The following ZNF438 variants were observed in gnomAD, a reference collection of about 807,000 sequenced individuals.
ZNF438 encodes the protein zinc finger protein 438.
A neutral mutation model predicts 38.0 loss-of-function variants in ZNF438; 25 were observed. That is an observed-to-expected ratio of 0.66 (90% CI 0.48 to 0.92). The LOEUF (loss-of-function observed/expected upper bound fraction) is 0.92, where lower values mean the gene tolerates loss of function less well. ZNF438 is among the 40% of genes least tolerant of loss of function. The pLI, the probability that ZNF438 is intolerant of heterozygous loss-of-function variation, is 0.00. For synonymous variants in ZNF438, 372 were observed against 364.1 expected (o/e 1.02, Z -0.25); for missense variants, 1,007 against 999.6 (o/e 1.01, Z -0.10).
chr10:30,985,383 A>G (rs2052657161), intron 1 of ZNF438, among the ~76,000 whole-genome samples: 1 of 152,236 alleles, frequency 6.6e-6, no homozygotes, highest in Non-Finnish European at 1.5e-5. Context: ...TTTTAAAAAA[A>G]TGCACTTAGT....
chr10:30,980,740 C>T (rs1295891796), intron 1 of ZNF438, among the ~76,000 whole-genome samples: 1 of 151,032 alleles, frequency 6.6e-6, no homozygotes, highest in East Asian at 1.9e-4. Flanking sequence ...AAAATAAATA[C>T]AGAAGGCTAA....
chr10:30,967,046 T>C (rs1215909856), intron 1 of ZNF438, among the ~76,000 whole-genome samples: 1 of 152,148 alleles, frequency 6.6e-6, no homozygotes, highest in Non-Finnish European at 1.5e-5. Context: ...AAGAATAAAC[T>C]TACCCTTGGA....
rs559596141 is a variant in ZNF438 at position 30,880,202 on chromosome 10, G to A, written c.-31-3137C>T. 5.1e-4 allele frequency among the ~76,000 whole-genome samples: 77 copies of A among 152,110 alleles called. 1 individual carries two copies. Among genetic ancestry groups the A allele is most frequent in the African/African-American group, 1.6e-3 (68 of 41,504 alleles). On this transcript the variant is annotated intron_variant, in intron 3 of 5. Transcript: ENST00000413025. Reference sequence around the variant, plus strand: ...TCCCAGCACTTTGGGAGACCAAGGCGGGCAGATCACCTCAGGTTGGGAGTT... The same window carrying A: ...TCCCAGCACTTTGGGAGACCAAGGCAGGCAGATCACCTCAGGTTGGGAGTT...
At chr10:31,020,214 G>A (rs1414770388) in intron 1 of ZNF438, among the ~76,000 whole-genome samples, 2 of 152,130 alleles carry the variant, frequency 1.3e-5, no homozygotes, top group Non-Finnish European at 2.9e-5. Flanking sequence ...CATATTTAGC[G>A]TGAACCTAAA....
chr10:31,002,236 T>C (rs1032513705), intron 1 of ZNF438, among the ~76,000 whole-genome samples: 4 of 152,248 alleles, frequency 2.6e-5, no homozygotes, highest in Non-Finnish European at 5.9e-5. Context: ...TGATTACCAG[T>C]GACGGTAAAC....
intron 4 of ZNF438, chr10:30,857,589 T>C: frequency 9.4e-7 from 1 of 1,065,576 alleles, no homozygotes; most frequent in East Asian, 2.7e-5. Context: ...ATACTAACTT[T>C]CTGAAAGCCC....
intron 1 of ZNF438, among the ~76,000 whole-genome samples, chr10:30,961,196 C>A (rs1475134549): frequency 7.2e-6 from 1 of 138,926 alleles, no homozygotes; most frequent in East Asian, 2.0e-4. Context: ...ATGTAACTAA[C>A]CTGCACAATG....
At chr10:30,872,521 C>T (rs554169865) in intron 4 of ZNF438, among the ~76,000 whole-genome samples, 78 of 144,146 alleles carry the variant, frequency 5.4e-4, no homozygotes, top group South Asian at 2.1e-3. Flanking sequence ...GAGGCCGAGG[C>T]GGACAGATCA....
chr10:30,891,017 A>C (rs770467200), intron 3 of ZNF438, among the ~76,000 whole-genome samples: 2 of 152,220 alleles, frequency 1.3e-5, no homozygotes, highest in Non-Finnish European at 2.9e-5. Flanking sequence ...AAGAAATCCA[A>C]AGCCACTGTG....
At chr10:30,880,262 C>T (rs887848534) in intron 3 of ZNF438, among the ~76,000 whole-genome samples, 2 of 151,856 alleles carry the variant, frequency 1.3e-5, no homozygotes, top group Admixed American at 6.6e-5. Flanking sequence ...GAAACCCTGT[C>T]TCTACTAAAA....
At chr10:30,886,569 A>C (rs1424322218) in intron 3 of ZNF438, among the ~76,000 whole-genome samples, 1 of 152,234 alleles carries the variant, frequency 6.6e-6, no homozygotes. Context: ...CAGAATACTT[A>C]AATTAGCCTA....
At chr10:31,027,151 T>C (rs2056997937) in intron 1 of ZNF438, among the ~76,000 whole-genome samples, 1 of 151,788 alleles carries the variant, frequency 6.6e-6, no homozygotes, top group Non-Finnish European at 1.5e-5. Context: ...AAATGACGAG[T>C]TAATGGGTGC....
chr10:30,907,647 C>T (rs376585051), intron 3 of ZNF438, among the ~76,000 whole-genome samples: 27 of 152,204 alleles, frequency 1.8e-4, no homozygotes, highest in Admixed American at 1.3e-3. Flanking sequence ...AATATTTTGA[C>T]ATATAATTAC....
intron 1 of ZNF438, among the ~76,000 whole-genome samples, 186 bp from the exon 2 acceptor site, chr10:30,984,612 AAG>A (rs2052570700): frequency 6.6e-6 from 1 of 152,198 alleles, no homozygotes; most frequent in Non-Finnish European, 1.5e-5. Flanking sequence ...TTAAAAATGA[AAG>A]CATGCAAAAT....
At chr10:30,867,878 T>C (rs2036723098) in intron 4 of ZNF438, among the ~76,000 whole-genome samples, 1 of 152,198 alleles carries the variant, frequency 6.6e-6, no homozygotes, top group Non-Finnish European at 1.5e-5. Context: ...AACATTAGAA[T>C]ATGAACCAAA....
intron 5 of ZNF438, among the ~76,000 whole-genome samples, chr10:30,846,659 C>T (rs1032796512): frequency 1.3e-5 from 2 of 152,216 alleles, no homozygotes; most frequent in Non-Finnish European, 2.9e-5. Context: ...GCTGCCCAAG[C>T]TGCAGCTGTG....
chr10:30,928,374 A>C (rs1223568092), intron 2 of ZNF438, among the ~76,000 whole-genome samples: 1 of 152,200 alleles, frequency 6.6e-6, no homozygotes, highest in Non-Finnish European at 1.5e-5. Flanking sequence ...AACTTTCAGA[A>C]GAAAATAACA....
At chr10:30,940,916 A>C (rs2046752485) in intron 2 of ZNF438, among the ~76,000 whole-genome samples, 1 of 150,966 alleles carries the variant, frequency 6.6e-6, no homozygotes, top group Non-Finnish European at 1.5e-5. Flanking sequence ...TAAAGCCTTA[A>C]AAAACTATAT....
intron 1 of ZNF438, among the ~76,000 whole-genome samples, chr10:31,007,821 A>G (rs1177687387): frequency 6.6e-6 from 1 of 152,214 alleles, no homozygotes; most frequent in Non-Finnish European, 1.5e-5. Flanking sequence ...AGCAGAAAGA[A>G]CACTGACTCA....
Sources: allele counts gnomAD v4.1 joint callset (sites outside exome capture counted in the v4.1 genomes callset), GRCh38; gene constraint gnomAD v4.1.1; transcripts MANE v1.5; gene names NCBI Gene and HGNC (gene_info 2026-07-23, HGNC 2026-07-21).